COQ10B: variants seen among roughly 807,000 people sequenced by gnomAD.
The protein encoded by COQ10B is coenzyme Q10B.
COQ10B carries 12 observed loss-of-function variants against 27.6 expected under a neutral mutation model. The observed-to-expected ratio is 0.43, with a 90% CI of 0.28 to 0.70. The LOEUF is 0.70. COQ10B is among the 30% of genes least tolerant of loss of function. COQ10B has a pLI of 0.17. For synonymous variants in COQ10B, 115 were observed against 103.0 expected (o/e 1.12, Z -0.71); for missense variants, 278 against 288.7 (o/e 0.96, Z 0.27).
In COQ10B at chr2:197,473,853, G is replaced by C. The variant is rs1455522449; in HGVS notation, c.646G>C (p.Ala216Pro). The C allele has an allele frequency of 6.2e-7, 1 of 1,605,254 alleles. No individual in the cohort carries two copies. The highest frequency in any genetic ancestry group is 2.2e-5 in the East Asian group (1 of 44,698). ...KQMVAAFERR[A>P]CKLYGPETNI... ...GATGGTAGCTGCCTTTGAAAGAAGAGCATGTAAGCTGTATGGTCCAGAAAC... is the reference window on the plus strand; with the variant it reads ...GATGGTAGCTGCCTTTGAAAGAAGACCATGTAAGCTGTATGGTCCAGAAAC... The change falls in exon 5 of 5, where the codon GCA (alanine) becomes CCA (proline). Residue 216 changes from alanine (A) to proline (P), a missense_variant. Ala to Pro is a conservative substitution (Grantham distance 27, BLOSUM62 -1). Transcript: ENST00000263960.
At chr2:197,454,081 C>G in intron 1 of COQ10B, 1 of 1,551,168 alleles carries the variant, frequency 6.4e-7, no homozygotes, top group Non-Finnish European at 8.7e-7. Context: ...CTTCTACCTG[C>G]CAGATGGTCA....
chr2:197,459,982 C>T lies in COQ10B; in HGVS notation c.155C>T (p.Thr52Ile). ...ILMSRTLPLH[T>I]SILPKEICAR... ...ATGAGCAGAACTCTTCCACTACATA[C>T]CTCAATTTTGCCTAAGGAGATATGT... Residue 52 changes from threonine to isoleucine, a missense_variant, in exon 2 of 5, where the codon ACC becomes ATC. Coordinates refer to ENST00000263960, the MANE Select transcript of COQ10B (RefSeq NM_025147.5). 1 of 1,611,070 alleles carries T rather than the reference C, an allele frequency of 6.2e-7. No individual in the cohort carries two copies. Among genetic ancestry groups the T allele is most frequent in the Non-Finnish European group, 8.5e-7 (1 of 1,177,720 alleles).
chr2:197,471,302 A>G (rs899376139), intron 4 of COQ10B, among the ~76,000 whole-genome samples: 1 of 151,854 alleles, frequency 6.6e-6, no homozygotes, highest in African/African-American at 2.4e-5. Flanking sequence ...ACCACCACAC[A>G]GGCTTATTTT....
rs1366857269 is a variant in COQ10B at position 197,460,082 on chromosome 2, G to C, written c.254+1G>C. ...AATATTCAGAGAGAAGAATTTTAGG[G>C]TTCGTATATGATAAGAATTCTACTA... On this transcript the variant is annotated splice_donor_variant, in intron 2 of 4. Transcript: ENST00000263960. LOFTEE classifies it high-confidence loss of function. 2 of 1,595,760 alleles carry C rather than the reference G, an allele frequency of 1.3e-6. No individual in the cohort carries two copies. Among genetic ancestry groups the C allele is most frequent in the Non-Finnish European group, 1.7e-6 (2 of 1,167,106 alleles).
intron 1 of COQ10B, among the ~76,000 whole-genome samples, chr2:197,454,418 C>T (rs752183485): frequency 3.3e-5 from 5 of 151,954 alleles, no homozygotes; most frequent in Non-Finnish European, 7.4e-5. Context: ...AGAGAAAACA[C>T]AAATCTAGTT....
chr2:197,467,504 T>C (rs1474549293), intron 3 of COQ10B, among the ~76,000 whole-genome samples: 2 of 151,996 alleles, frequency 1.3e-5, no homozygotes, highest in Non-Finnish European at 2.9e-5. Context: ...CAGCCTCCTG[T>C]GTAGCTGGGA....
chr2:197,458,268 A>C (rs999557719), intron 1 of COQ10B, among the ~76,000 whole-genome samples: 2 of 152,090 alleles, frequency 1.3e-5, no homozygotes, highest in African/African-American at 4.8e-5. Context: ...AATGCTACTA[A>C]TGCCTATGTG....
intron 4 of COQ10B, among the ~76,000 whole-genome samples, chr2:197,470,669 C>T (rs996315915): frequency 4.6e-5 from 7 of 152,022 alleles, no homozygotes; most frequent in Non-Finnish European, 8.8e-5. Flanking sequence ...CTGAGGCGGG[C>T]AGATCACCTG....
At chr2:197,461,559 C>CTGTGTG (rs60261177) in intron 2 of COQ10B, among the ~76,000 whole-genome samples, 27 of 139,868 alleles carry the variant, frequency 1.9e-4, no homozygotes, top group South Asian at 9.4e-4. Flanking sequence ...CTGATTTAGT[C>CTGTGTG]TGTGTGTGTG....
rs71956068 is a variant in COQ10B, at chr2:197,473,453, CATAT to C, written c.550-295_550-292del. On this transcript the variant is annotated intron_variant, in intron 4 of 4. Transcript: ENST00000263960. Reference sequence around the variant, plus strand: ...ATATATATATATATACACATATATACATATATATATATGTATATATACACGTATA... The same window carrying C: ...ATATATATATATATACACATATATACATATATATGTATATATACACGTATA... Among the ~76,000 whole-genome samples, 6 of 37,494 alleles carry C rather than the reference CATAT, an allele frequency of 1.6e-4. 1 individual carries two copies. Among genetic ancestry groups the C allele is most frequent in the African/African-American group, 4.5e-4 (6 of 13,474 alleles). 24.6% of individuals were successfully genotyped at this position (37,494 alleles called of 152,430 possible). A position where few individuals can be genotyped will look rare whatever the true frequency, so the allele number is the denominator to read the frequency against.
At chr2:197,461,598 GGAGGGA>G (rs1372745807) in intron 2 of COQ10B, among the ~76,000 whole-genome samples, 3 of 145,504 alleles carry the variant, frequency 2.1e-5, no homozygotes, top group Admixed American at 1.4e-4. Flanking sequence ...TGTGTGTGAG[GGAGGGA>G]GAGGGAGAGG....
chr2:197,455,126 T>C (rs1463418475), intron 1 of COQ10B, among the ~76,000 whole-genome samples: 1 of 151,700 alleles, frequency 6.6e-6, no homozygotes, highest in African/African-American at 2.4e-5. Flanking sequence ...GGGTATTTTT[T>C]TGGGTAGGCT....
At position 197,459,994 on chromosome 2, in the gene COQ10B, C is replaced by G. The variant is rs778599636; in HGVS notation, c.167C>G (p.Pro56Arg). The change falls in exon 2 of 5, where the codon CCT (proline) becomes CGT (arginine). Residue 56 changes from proline to arginine, a missense_variant. Coordinates refer to ENST00000263960, the MANE Select transcript of COQ10B (RefSeq NM_025147.5). ...RTLPLHTSIL[P>R]KEICARTFFK... Reference sequence around the variant, plus strand: ...CTTCCACTACATACCTCAATTTTGCCTAAGGAGATATGTGCACGAACTTTC... The same window carrying G: ...CTTCCACTACATACCTCAATTTTGCGTAAGGAGATATGTGCACGAACTTTC... 1 of 1,610,958 alleles carries G rather than the reference C, an allele frequency of 6.2e-7. No individual in the cohort carries two copies.
intron 3 of COQ10B, among the ~76,000 whole-genome samples, chr2:197,469,168 G>C (rs2106056678): frequency 6.6e-6 from 1 of 152,228 alleles, no homozygotes; most frequent in Non-Finnish European, 1.5e-5. Flanking sequence ...CTGGGTACTT[G>C]GGACTACTGG....
intron 3 of COQ10B, among the ~76,000 whole-genome samples, chr2:197,467,023 C>T (rs1044719468): frequency 8.6e-5 from 13 of 151,112 alleles, no homozygotes; most frequent in Non-Finnish European, 1.5e-4. Context: ...TACGGCTCAC[C>T]GCTTCCTTTG....
intron 1 of COQ10B, chr2:197,453,978 T>C (rs1027985694): frequency 1.2e-5 from 19 of 1,550,798 alleles, no homozygotes; most frequent in Non-Finnish European, 1.7e-5. Flanking sequence ...TTGTTGCTAC[T>C]GCTGTTGGAA....
At chr2:197,469,962 A>G (rs530127085) in intron 3 of COQ10B, 108 bp from the exon 4 acceptor site, 4 of 652,852 alleles carry the variant, frequency 6.1e-6, no homozygotes, top group Non-Finnish European at 1.1e-5. Context: ...TCTGACCTAT[A>G]AAAATTATTA....
At chr2:197,461,491 T>C (rs969989389) in intron 2 of COQ10B, among the ~76,000 whole-genome samples, 1 of 152,012 alleles carries the variant, frequency 6.6e-6, no homozygotes, top group Non-Finnish European at 1.5e-5. Flanking sequence ...AATCTTTGGA[T>C]AGACATCATT....
chr2:197,473,017 T>C (rs971980019), intron 4 of COQ10B, among the ~76,000 whole-genome samples: 2 of 152,146 alleles, frequency 1.3e-5, no homozygotes, highest in African/African-American at 4.8e-5. Flanking sequence ...ATTAATGTAT[T>C]CAGCAAAGGT....
Sources: allele counts gnomAD v4.1 joint callset (sites outside exome capture counted in the v4.1 genomes callset), GRCh38; gene constraint gnomAD v4.1.1; transcripts MANE v1.5; gene names NCBI Gene and HGNC (gene_info 2026-07-23, HGNC 2026-07-21).